The following NBEA variants were observed in gnomAD, a reference collection of about 807,000 sequenced individuals.
NBEA encodes neurobeachin.
NBEA carries 44 observed loss-of-function variants against 343.4 expected under a neutral mutation model. The observed-to-expected ratio is 0.13, with a 90% CI of 0.10 to 0.16. The LOEUF (loss-of-function observed/expected upper bound fraction) is 0.16. Among genes scored for constraint, NBEA ranks in the 10% least tolerant of loss-of-function variants. NBEA has a pLI of 1.00. For missense variants in NBEA, 2,555 were observed against 3,631.3 expected, an observed-to-expected ratio of 0.70 and a Z score of 7.62; for synonymous variants, 1,175 against 1,238.7, an observed-to-expected ratio of 0.95 and a Z score of 1.08.
intron 1 of NBEA, among the ~76,000 whole-genome samples, chr13:35,017,932 A>C (rs2061710377): frequency 1.3e-5 from 2 of 152,116 alleles, no homozygotes; most frequent in Non-Finnish European, 2.9e-5. Flanking sequence ...AGTAAGGATA[A>C]AAGTTCATGT....
intron 10 of NBEA, among the ~76,000 whole-genome samples, chr13:35,093,994 AGAG>A (rs2065209978): frequency 6.6e-6 from 1 of 151,856 alleles, no homozygotes; most frequent in African/African-American, 2.4e-5. Flanking sequence ...TAGTAATATA[AGAG>A]ATTTATAATG....
chr13:35,636,200 A>G (rs1048484486), intron 49 of NBEA, among the ~76,000 whole-genome samples: 2 of 152,226 alleles, frequency 1.3e-5, no homozygotes, highest in Non-Finnish European at 2.9e-5. Flanking sequence ...GCATACTTCA[A>G]TTTGTTGAAA....
intron 34 of NBEA, among the ~76,000 whole-genome samples, chr13:35,273,361 G>C (rs1325538331): frequency 6.6e-6 from 1 of 152,196 alleles, no homozygotes; most frequent in East Asian, 1.9e-4. Context: ...GGAGTGTGTA[G>C]AGGGAAATTT....
At chr13:35,282,626 C>T (rs1163200327) in intron 34 of NBEA, among the ~76,000 whole-genome samples, 1 of 152,168 alleles carries the variant, frequency 6.6e-6, no homozygotes, top group Non-Finnish European at 1.5e-5. Flanking sequence ...CATCCGTACT[C>T]ATTGCTGTTG....
chr13:35,652,911 G>A (rs953609254), intron 53 of NBEA, among the ~76,000 whole-genome samples: 1 of 149,858 alleles, frequency 6.7e-6, no homozygotes, highest in Non-Finnish European at 1.5e-5. Context: ...AGCCAGGATG[G>A]TCTCGATCTC....
chr13:35,671,075 C>G lies in NBEA; in HGVS notation c.*84C>G. ...GGCAATATCTCTGGTGGAAAAAACTCGTCTACATCGACCTCCGTTTGTACA... is the reference window on the plus strand; with the variant it reads ...GGCAATATCTCTGGTGGAAAAAACTGGTCTACATCGACCTCCGTTTGTACA... On this transcript the variant is annotated 3_prime_UTR_variant, in exon 59 of 59. Transcript: ENST00000379939. 2.2e-6 allele frequency: 2 copies of G among 908,286 alleles called. No homozygotes were observed. Among genetic ancestry groups the G allele is most frequent in the Non-Finnish European group, 3.5e-6 (2 of 578,594 alleles). 56.3% of individuals were successfully genotyped at this position (908,286 alleles called of 1,614,324 possible).
intron 1 of NBEA, among the ~76,000 whole-genome samples, chr13:34,958,889 C>T (rs1425032833): frequency 1.3e-5 from 2 of 152,144 alleles, no homozygotes; most frequent in African/African-American, 4.8e-5. Context: ...AGATCAGGAT[C>T]ACCATGAATA....
rs755363559 is a variant in NBEA at position 35,196,050 on chromosome 13, C to T, written c.5114C>T (p.Ser1705Phe). The change falls in exon 31 of 59, where the codon TCC becomes TTC. Residue 1705 changes from serine (S) to phenylalanine (F), a missense_variant. This residue lies in a region of NBEA where 270 missense variants were observed against 293.3 expected (regional missense o/e 0.92). Coordinates refer to ENST00000379939, the MANE Select transcript of NBEA (RefSeq NM_001385012.1). Reference sequence around the variant, plus strand: ...CCTGATGCCATGAGTGAACTCTTATCCACTTTGTCATCCGAAGTGAAGAAA... The same window carrying T: ...CCTGATGCCATGAGTGAACTCTTATTCACTTTGTCATCCGAAGTGAAGAAA... ...TGPDAMSELLSTLSSEVKKSQ... is the reference protein window; with the variant it reads ...TGPDAMSELLFTLSSEVKKSQ... The T allele has an allele frequency of 6.2e-7, 1 of 1,613,504 alleles. No individual in the cohort carries two copies. Among genetic ancestry groups the T allele is most frequent in the African/African-American group, 1.3e-5 (1 of 74,904 alleles).
rs573944825 is a variant in NBEA, at chr13:34,981,298, G to A, written c.294+38184G>A. Among the ~76,000 whole-genome samples, 16 of 152,208 alleles carry A rather than the reference G, an allele frequency of 1.1e-4. No homozygotes were observed. The South Asian group carries it at 2.5e-3, about 24-fold the overall frequency. ...TTTGATTATCCATTTACCAGTTTAC[G>A]ACCATTTGAATTGTTTCTAATTTTT... On this transcript the variant is annotated intron_variant, in intron 1 of 58. Coordinates refer to ENST00000379939, the MANE Select transcript of NBEA (RefSeq NM_001385012.1).
chr13:35,565,730 G>T (rs552765901), intron 44 of NBEA, among the ~76,000 whole-genome samples: 1 of 152,068 alleles, frequency 6.6e-6, no homozygotes, highest in East Asian at 1.9e-4. Context: ...CAGTTTATGA[G>T]GGGGGGCCGC....
intron 55 of NBEA, among the ~76,000 whole-genome samples, chr13:35,664,630 A>G (rs1411209738): frequency 6.6e-6 from 1 of 152,264 alleles, no homozygotes; most frequent in Admixed American, 6.5e-5. Flanking sequence ...AGTAGGTTCA[A>G]TTCCAACCCT....
chr13:35,411,108 G>T lies in NBEA; in HGVS notation c.6180-21161G>T, dbSNP rs372211854. The stretch of plus-strand genomic sequence containing the variant: ...TCTACCTCTTGGTAGCCATTTTTTT[G>T]ATTGTGCTTTGTTTTTAGGATAGTT... On this transcript the variant is annotated intron_variant, in intron 38 of 58. Transcript: ENST00000379939. Among the ~76,000 whole-genome samples the T allele has an allele frequency of 4.3e-4, 66 of 151,814 alleles. No homozygotes were observed. The East Asian group carries it at 4.8e-3, about 11-fold the overall frequency.
chr13:35,392,745 G>T (rs987472588), intron 38 of NBEA, among the ~76,000 whole-genome samples: 1 of 152,168 alleles, frequency 6.6e-6, no homozygotes, highest in African/African-American at 2.4e-5. Flanking sequence ...GGAGCAATCA[G>T]AAAGGAAAAG....
chr13:35,472,013 G>A (rs933844184), intron 40 of NBEA, among the ~76,000 whole-genome samples: 2 of 152,112 alleles, frequency 1.3e-5, no homozygotes, highest in Non-Finnish European at 2.9e-5. Context: ...CGCGATGGCT[G>A]GTCTTGGGGG....
At chr13:35,289,183 G>A (rs1197287551) in intron 34 of NBEA, among the ~76,000 whole-genome samples, 1 of 151,750 alleles carries the variant, frequency 6.6e-6, no homozygotes, top group Non-Finnish European at 1.5e-5. Flanking sequence ...AAAATAACTG[G>A]TTTCACTTCG....
At chr13:34,953,161 A>G (rs1050337812) in intron 1 of NBEA, among the ~76,000 whole-genome samples, 2 of 152,348 alleles carry the variant, frequency 1.3e-5, no homozygotes, top group Non-Finnish European at 1.5e-5. Flanking sequence ...TGAAATATTC[A>G]GTGAAATAAA....
chr13:35,415,776 C>T lies in NBEA; in HGVS notation c.6180-16493C>T, dbSNP rs1331114401. Among the ~76,000 whole-genome samples, 24 of 152,080 alleles carry T rather than the reference C, an allele frequency of 1.6e-4. 1 individual carries two copies. The highest frequency in any genetic ancestry group is 5.8e-4 in the East Asian group (3 of 5,184). On this transcript the variant is annotated intron_variant, in intron 38 of 58. Transcript: ENST00000379939. Reference sequence around the variant, plus strand: ...TTTTTTCCAATTCTGTGAAAAAAGTCATTGGTAGCTTGATGGGGATGGCAT... The same window carrying T: ...TTTTTTCCAATTCTGTGAAAAAAGTTATTGGTAGCTTGATGGGGATGGCAT...
At chr13:34,967,851 C>A (rs1420286177) in intron 1 of NBEA, among the ~76,000 whole-genome samples, 3 of 152,036 alleles carry the variant, frequency 2.0e-5, no homozygotes, top group Admixed American at 1.3e-4. Flanking sequence ...AGAGTTAGTG[C>A]AAACCTCTTA....
intron 1 of NBEA, among the ~76,000 whole-genome samples, chr13:35,015,401 T>C (rs1349056603): frequency 6.6e-6 from 1 of 151,986 alleles, no homozygotes; most frequent in African/African-American, 2.4e-5. Context: ...CATAGGAAGA[T>C]GGGAGGAGGC....
Sources: gnomAD v4.1 joint callset for allele counts (sites outside exome capture counted in the v4.1 genomes callset) on GRCh38, gnomAD v4.1.1 for gene constraint, gnomAD v4.1.1 regional missense constraint, MANE v1.5 for transcripts, NCBI Gene and HGNC (gene_info 2026-07-23, HGNC 2026-07-21) for gene names.